Variants in PTCH2 observed in about 807,000 individuals in gnomAD.
PTCH2 encodes the protein protein patched homolog 2.
PTCH2 carries 96 observed loss-of-function variants against 117.9 expected under a neutral mutation model. That is an observed-to-expected ratio of 0.81 (90% CI 0.69 to 0.96). The LOEUF is 0.96. Ranked by LOEUF, PTCH2 falls within the 50% of genes least tolerant of loss-of-function variation. The pLI, the probability that PTCH2 is intolerant of heterozygous loss-of-function variation, is 0.00. For missense variants in PTCH2, 1,379 were observed against 1,562.5 expected, an observed-to-expected ratio of 0.88 and a Z score of 1.98; for synonymous variants, 615 against 660.9, an observed-to-expected ratio of 0.93 and a Z score of 1.06.
Position 44,827,315 on chromosome 1 carries a change from G to T in PTCH2, c.2372-6C>A. 1 of 1,613,818 alleles carries T rather than the reference G, an allele frequency of 6.2e-7. No individual in the cohort carries two copies. Among genetic ancestry groups the T allele is most frequent in the Non-Finnish European group, 8.5e-7 (1 of 1,180,014 alleles). ...GTCAAAGGCAGCCTGGATTCCTGGG[G>T]GAGACCAGGATAGGGTTCTATTAGC... On this transcript the variant is annotated splice_region_variant and splice_polypyrimidine_tract_variant and intron_variant, in intron 15 of 21. Coordinates refer to ENST00000372192, the MANE Select transcript of PTCH2 (RefSeq NM_003738.5).
chr1:44,830,007 C>T lies in PTCH2; in HGVS notation c.837G>A (p.Leu279=). ...SRQAPNVAHE[L]SGGCHGFSHK... ...GGGAGAAGCCATGGCAGCCCCCACT[C>T]AGCTCGTGAGCCACATTGGGAGCCT... Residue 279 remains leucine (L), a synonymous_variant, in exon 7 of 22, where the codon CTG becomes CTA. Coordinates refer to ENST00000372192, the MANE Select transcript of PTCH2 (RefSeq NM_003738.5). The T allele has an allele frequency of 6.2e-7, 1 of 1,614,168 alleles. No individual in the cohort carries two copies. Among genetic ancestry groups the T allele is most frequent in the Non-Finnish European group, 8.5e-7 (1 of 1,180,018 alleles).
rs1347782314 is a variant in PTCH2, at chr1:44,826,840, C to T, written c.2695+62G>A. On this transcript the variant is annotated intron_variant, in intron 17 of 21. Coordinates refer to ENST00000372192, the MANE Select transcript of PTCH2 (RefSeq NM_003738.5). The surrounding 1 kb of genome is among the most constrained non-coding windows in gnomAD (Gnocchi z 5.1). ...GAGCACGGGGCAGAGTGGGCAGGGCCTCAGGCTCAGGGCTTGTGTGGGCGA... is the reference window on the plus strand; with the variant it reads ...GAGCACGGGGCAGAGTGGGCAGGGCTTCAGGCTCAGGGCTTGTGTGGGCGA... 7 of 1,612,062 alleles carry T rather than the reference C, an allele frequency of 4.3e-6. No homozygotes were observed. Among genetic ancestry groups the T allele is most frequent in the Non-Finnish European group, 5.9e-6 (7 of 1,178,742 alleles).
chr1:44,827,621 G>A lies in PTCH2; in HGVS notation c.2152C>T (p.Pro718Ser), dbSNP rs2148875507. 1 of 1,613,832 alleles carries A rather than the reference G, an allele frequency of 6.2e-7. No homozygotes were observed. The highest frequency in any genetic ancestry group is 8.5e-7 in the Non-Finnish European group (1 of 1,180,018). ...QDGLALTDVVPRGTKEHAFLS... is the reference protein window; with the variant it reads ...QDGLALTDVVSRGTKEHAFLS... ...AAGGCATGCTCCTTGGTGCCCCGAG[G>A]CACCACATCCGTCAGGGCCAGGCCG... is the stretch of plus-strand genomic sequence containing the variant. The change falls in exon 15 of 22, where the codon CCT becomes TCT. Residue 718 changes from proline to serine, a missense_variant. Transcript: ENST00000372192.
downstream of PTCH2, chr1:44,820,705 C>T (rs1338700704): frequency 4.2e-6 from 3 of 718,272 alleles, no homozygotes; most frequent in Admixed American, 2.0e-5. Flanking sequence ...CTCCTCGGGC[C>T]TGGAAAGATG....
intron 2 of PTCH2, among the ~76,000 whole-genome samples, chr1:44,839,221 A>G (rs1353546989): frequency 6.6e-6 from 1 of 152,018 alleles, no homozygotes; most frequent in Non-Finnish European, 1.5e-5. Context: ...AAAAATACAA[A>G]AAAATTAGCC....
In PTCH2 at chr1:44,827,528, A is replaced by G; in HGVS notation, c.2245T>C (p.Tyr749His). The change falls in exon 15 of 22, where the codon TAC (tyrosine) becomes CAC (histidine). Residue 749 changes from tyrosine to histidine, a missense_variant. Coordinates refer to ENST00000372192, the MANE Select transcript of PTCH2 (RefSeq NM_003738.5). ...VALVTQGGFD[Y>H]AHSQRALFDL... ...AAGAGGGCGCGTTGGGAGTGGGCGT[A>G]GTCAAAGCCACCCTGGGTCACCAGG... The G allele has an allele frequency of 6.2e-7, 1 of 1,614,092 alleles. No individual in the cohort carries two copies. The highest frequency in any genetic ancestry group is 8.5e-7 in the Non-Finnish European group (1 of 1,180,002).
rs1652958938 is a variant in PTCH2, at chr1:44,822,637, G to C, written c.3390C>G (p.Ile1130Met). Reference protein sequence around the residue: ...VIQMYKESPEILSPPAPQGGG... With the variant: ...VIQMYKESPEMLSPPAPQGGG... The stretch of plus-strand genomic sequence containing the variant: ...CTCCCTGTGGAGCTGGTGGACTCAG[G>C]ATCTCTGGGCTTTCCTTGTACATCT... Residue 1130 changes from isoleucine to methionine, a missense_variant, in exon 22 of 22, where the codon ATC (isoleucine) becomes ATG (methionine). Ile to Met is a conservative substitution (Grantham distance 10, BLOSUM62 1). Transcript: ENST00000372192. The C allele has an allele frequency of 6.2e-7, 1 of 1,613,974 alleles. No individual in the cohort carries two copies. Among genetic ancestry groups the C allele is most frequent in the Non-Finnish European group, 8.5e-7 (1 of 1,179,928 alleles).
At position 44,829,654 on chromosome 1, in the gene PTCH2, G is replaced by C; in HGVS notation, c.1043C>G (p.Ala348Gly). ...THDIGWSEEQ[A>G]STVLQAWQRR... ...CTGCCAGGCTTGTAGCACTGTGCTGGCCTGCTCCTCACTCCAGCCAATGTC... is the reference window on the plus strand; with the variant it reads ...CTGCCAGGCTTGTAGCACTGTGCTGCCCTGCTCCTCACTCCAGCCAATGTC... Residue 348 changes from alanine to glycine, a missense_variant, in exon 8 of 22, where the codon GCC becomes GGC. Transcript: ENST00000372192. 6.2e-7 allele frequency: 1 copy of C among 1,614,186 alleles called. No individual in the cohort carries two copies. The highest frequency in any genetic ancestry group is 1.3e-5 in the African/African-American group (1 of 75,054).
rs377239356 is a variant in PTCH2 at position 44,823,054 on chromosome 1, C to G, written c.3357+15G>C. The stretch of plus-strand genomic sequence containing the variant: ...TGGGCTGGGAGTAGAGGGATGGTGC[C>G]GAGGGTGTGGTCACCTCTGGCGGCG... On this transcript the variant is annotated intron_variant, in intron 21 of 21. Coordinates refer to ENST00000372192, the MANE Select transcript of PTCH2 (RefSeq NM_003738.5). The surrounding 1 kb of genome is among the most constrained non-coding windows in gnomAD (Gnocchi z 5.1). The G allele has an allele frequency of 1.2e-5, 19 of 1,609,890 alleles. No homozygotes were observed. The African/African-American group carries it at 2.4e-4, about 20-fold the overall frequency.
chr1:44,820,010 C>T (rs1012427555), downstream of PTCH2: 12 of 157,728 alleles, frequency 7.6e-5, no homozygotes, highest in Admixed American at 6.2e-4. Context: ...TCGTGACTTC[C>T]GCTTCGAACC....
intron 2 of PTCH2, among the ~76,000 whole-genome samples, chr1:44,837,587 A>G (rs1369840135): frequency 6.6e-6 from 1 of 151,920 alleles, no homozygotes; most frequent in African/African-American, 2.4e-5. Context: ...AGAAATAGAG[A>G]TGGGTTTTTG....
chr1:44,825,368 C>T (rs1342193998), intron 19 of PTCH2, among the ~76,000 whole-genome samples: 1 of 151,650 alleles, frequency 6.6e-6, no homozygotes, highest in Non-Finnish European at 1.5e-5. Flanking sequence ...GAACTCCTGA[C>T]CTCAAGTGAT....
chr1:44,834,016 T>C (rs1653574489), intron 2 of PTCH2, among the ~76,000 whole-genome samples: 1 of 152,040 alleles, frequency 6.6e-6, no homozygotes, highest in South Asian at 2.1e-4. Flanking sequence ...AACACATACT[T>C]ACCCATATGC....
In PTCH2 at chr1:44,829,614, C is replaced by G. The variant is rs2148877935; in HGVS notation, c.1083G>C (p.Gln361His). Residue 361 changes from glutamine to histidine, a missense_variant and splice_region_variant, in exon 8 of 22, where the codon CAG becomes CAC. Gln to His is a conservative substitution (Grantham distance 24, BLOSUM62 0). Coordinates refer to ENST00000372192, the MANE Select transcript of PTCH2 (RefSeq NM_003738.5). Reference sequence around the variant, plus strand: ...CCCCCTTGTCCTTGTCCATACCGACCTGCACAAAGCGCCGCTGCCAGGCTT... The same window carrying G: ...CCCCCTTGTCCTTGTCCATACCGACGTGCACAAAGCGCCGCTGCCAGGCTT... ...VLQAWQRRFV[Q>H]LAQEALPENA... 6.2e-7 allele frequency: 1 copy of G among 1,614,218 alleles called. No homozygotes were observed. The highest frequency in any genetic ancestry group is 8.5e-7 in the Non-Finnish European group (1 of 1,180,042).
At chr1:44,835,162 C>G (rs959089387) in intron 2 of PTCH2, among the ~76,000 whole-genome samples, 3 of 152,098 alleles carry the variant, frequency 2.0e-5, no homozygotes, top group Admixed American at 6.5e-5. Context: ...CCTTGACCTC[C>G]CGGCTCAAGC....
At chr1:44,828,663 G>C in intron 11 of PTCH2, 32 bp from the exon 12 acceptor site, 2 of 1,604,910 alleles carry the variant, frequency 1.2e-6, no homozygotes, top group Non-Finnish European at 1.7e-6. Flanking sequence ...CTGCCCTCAG[G>C]TCACAAGGGA....
Position 44,829,635 on chromosome 1 carries a change from G to A in PTCH2, c.1062C>T (p.Ala354=), listed in dbSNP as rs771433906. ...CGACCTGCACAAAGCGCCGCTGCCA[G>A]GCTTGTAGCACTGTGCTGGCCTGCT... ...SEEQASTVLQ[A]WQRRFVQLAQ... Residue 354 remains alanine (A), a synonymous_variant, in exon 8 of 22, where the codon GCC becomes GCT. Transcript: ENST00000372192. 1 of 1,614,236 alleles carries A rather than the reference G, an allele frequency of 6.2e-7. No homozygotes were observed. The highest frequency in any genetic ancestry group is 8.5e-7 in the Non-Finnish European group (1 of 1,180,042).
At chr1:44,842,468 A>G (rs1364915152) in intron 1 of PTCH2, among the ~76,000 whole-genome samples, 3 of 151,864 alleles carry the variant, frequency 2.0e-5, no homozygotes, top group East Asian at 1.9e-4. Flanking sequence ...TAGTAGAGAC[A>G]GAGTTTCCCC....
chr1:44,821,964 C>G lies in PTCH2; in HGVS notation c.*451G>C. 7.6e-7 allele frequency: 1 copy of G among 1,316,212 alleles called. No individual in the cohort carries two copies. The highest frequency in any genetic ancestry group is 1.5e-5 in the African/African-American group (1 of 65,390). The allele number at this position is 1,316,212 out of a possible 1,614,324, so 81.5% of individuals were successfully genotyped here. On this transcript the variant is annotated 3_prime_UTR_variant, in exon 22 of 22. Coordinates refer to ENST00000372192, the MANE Select transcript of PTCH2 (RefSeq NM_003738.5). ...TAGTTCACATAGAATATATTTCATT[C>G]TTTAAAAAATAAAACTTTCATCATA...
Sources: gnomAD v4.1 joint callset for allele counts (sites outside exome capture counted in the v4.1 genomes callset) on GRCh38, gnomAD v4.1.1 for gene constraint, Gnocchi (gnomAD v3.1) non-coding constraint, MANE v1.5 for transcripts, NCBI Gene and HGNC (gene_info 2026-07-23, HGNC 2026-07-21) for gene names.